The following CREB5 variants were observed in gnomAD, a reference collection of about 807,000 sequenced individuals.
CREB5 encodes the protein cyclic AMP-responsive element-binding protein 5.
A neutral mutation model predicts 57.1 loss-of-function variants in CREB5; 19 were observed. That is an observed-to-expected ratio of 0.33 (90% confidence interval 0.23 to 0.49). The LOEUF is 0.49. Ranked by LOEUF, CREB5 falls within the 20% of genes least tolerant of loss-of-function variation. The pLI, the probability that CREB5 is intolerant of heterozygous loss-of-function variation, is 0.99. For missense variants in CREB5, 579 were observed against 671.6 expected (o/e 0.86, Z 1.52); for synonymous variants, 238 against 238.3 (o/e 1.00, Z 0.01).
intron 7 of CREB5, among the ~76,000 whole-genome samples, chr7:28,771,914 C>T (rs1169250369): frequency 1.3e-5 from 2 of 152,178 alleles, no homozygotes; most frequent in African/African-American, 4.8e-5. Flanking sequence ...GCATCCCAGC[C>T]TTCCTCTGTG....
chr7:28,574,607 A>G (rs1562806236), intron 5 of CREB5, among the ~76,000 whole-genome samples: 2 of 152,246 alleles, frequency 1.3e-5, no homozygotes, highest in African/African-American at 4.8e-5. Context: ...GAGTTCTACA[A>G]GAATGGATAT....
chr7:28,352,225 ATCC>A (rs1219506704), intron 1 of CREB5, among the ~76,000 whole-genome samples: 1 of 152,200 alleles, frequency 6.6e-6, no homozygotes, highest in Non-Finnish European at 1.5e-5. Flanking sequence ...TGAGGAATTT[ATCC>A]TCCATAATGA....
intron 5 of CREB5, among the ~76,000 whole-genome samples, chr7:28,646,912 C>G (rs1344584225): frequency 6.6e-6 from 1 of 151,924 alleles, no homozygotes; most frequent in Non-Finnish European, 1.5e-5. Flanking sequence ...CTCTTTGCAT[C>G]TGGGCTTATT....
intron 5 of CREB5, among the ~76,000 whole-genome samples, chr7:28,632,777 A>G (rs1202251760): frequency 6.6e-6 from 1 of 152,150 alleles, no homozygotes; most frequent in Non-Finnish European, 1.5e-5. Flanking sequence ...GTCACCCTCC[A>G]TGACATCACC....
intron 5 of CREB5, among the ~76,000 whole-genome samples, chr7:28,579,355 G>C (rs2128655386): frequency 6.6e-6 from 1 of 152,324 alleles, no homozygotes; most frequent in South Asian, 2.1e-4. Flanking sequence ...CAGGTATGTT[G>C]TGCTTTTGGC....
chr7:28,446,882 C>T (rs1789504878), intron 1 of CREB5, among the ~76,000 whole-genome samples: 1 of 152,166 alleles, frequency 6.6e-6, no homozygotes, highest in African/African-American at 2.4e-5. Flanking sequence ...TTATTGAGAG[C>T]CTACCATATG....
chr7:28,764,022 C>G (rs928499941), intron 7 of CREB5, among the ~76,000 whole-genome samples: 6 of 151,978 alleles, frequency 3.9e-5, no homozygotes, highest in African/African-American at 9.7e-5. Flanking sequence ...AGGCTAGTCT[C>G]AAACTCCTGG....
chr7:28,594,413 C>A (rs1418973924), intron 5 of CREB5, among the ~76,000 whole-genome samples: 2 of 152,172 alleles, frequency 1.3e-5, no homozygotes, highest in East Asian at 3.9e-4. Flanking sequence ...AGGATTACAG[C>A]CCACTTAACT....
chr7:28,571,816 G>A (rs1171010242), intron 5 of CREB5, among the ~76,000 whole-genome samples: 1 of 152,210 alleles, frequency 6.6e-6, no homozygotes, highest in Non-Finnish European at 1.5e-5. Context: ...AGGAAGAAAA[G>A]GTAATAACTT....
At chr7:28,818,518 T>C (rs1400725435) in intron 10 of CREB5, among the ~76,000 whole-genome samples, 6 of 152,236 alleles carry the variant, frequency 3.9e-5, no homozygotes, top group African/African-American at 1.4e-4. Context: ...TTCAGAAATC[T>C]GTGGTCTGGG....
chr7:28,718,008 T>A (rs1288486986), intron 5 of CREB5, among the ~76,000 whole-genome samples: 1 of 152,206 alleles, frequency 6.6e-6, no homozygotes, highest in Non-Finnish European at 1.5e-5. Context: ...TCTGGCAAAT[T>A]GAAGCAAAAG....
intron 7 of CREB5, among the ~76,000 whole-genome samples, chr7:28,763,376 C>G (rs1385989710): frequency 6.6e-6 from 1 of 152,128 alleles, no homozygotes; most frequent in Non-Finnish European, 1.5e-5. Flanking sequence ...CTGTAAGTTG[C>G]TTTTAAAGAC....
intron 1 of CREB5, among the ~76,000 whole-genome samples, chr7:28,375,279 C>T (rs1399983546): frequency 2.0e-5 from 3 of 152,088 alleles, no homozygotes; most frequent in African/African-American, 7.2e-5. Context: ...AAACATTGCA[C>T]GTTCTCACTT....
At chr7:28,421,635 G>C (rs1373171434) in intron 1 of CREB5, among the ~76,000 whole-genome samples, 2 of 151,842 alleles carry the variant, frequency 1.3e-5, no homozygotes, top group African/African-American at 2.4e-5. Flanking sequence ...CTCTTTTCTG[G>C]CTTGGATCTG....
chr7:28,704,603 C>T (rs1185458526), intron 5 of CREB5, among the ~76,000 whole-genome samples: 3 of 152,028 alleles, frequency 2.0e-5, no homozygotes, highest in Non-Finnish European at 2.9e-5. Flanking sequence ...GTACTACAGG[C>T]ACCCCACCAT....
chr7:28,598,467 T>C (rs1021207863), intron 5 of CREB5, among the ~76,000 whole-genome samples: 2 of 152,204 alleles, frequency 1.3e-5, no homozygotes, highest in Non-Finnish European at 2.9e-5. Flanking sequence ...TTTTTAAAGC[T>C]GCCATCAAGC....
chr7:28,625,662 G>A (rs1797973033), intron 5 of CREB5, among the ~76,000 whole-genome samples: 1 of 152,130 alleles, frequency 6.6e-6, no homozygotes, highest in South Asian at 2.1e-4. Flanking sequence ...GGGGAAAAAA[G>A]TTATGTGTGC....
At chr7:28,421,354 G>T (rs1303120237) in intron 1 of CREB5, among the ~76,000 whole-genome samples, 2 of 152,204 alleles carry the variant, frequency 1.3e-5, no homozygotes, top group African/African-American at 2.4e-5. Flanking sequence ...GTATTTCATG[G>T]TATACATATA....
chr7:28,484,855 C>T (rs912677743), intron 1 of CREB5, among the ~76,000 whole-genome samples: 1 of 152,172 alleles, frequency 6.6e-6, no homozygotes, highest in African/African-American at 2.4e-5. Flanking sequence ...TCATATTCCT[C>T]TAAACATATC....
Sources: gnomAD v4.1 joint callset for allele counts (sites outside exome capture counted in the v4.1 genomes callset) on GRCh38, gnomAD v4.1.1 for gene constraint, MANE v1.5 for transcripts, NCBI Gene and HGNC (gene_info 2026-07-23, HGNC 2026-07-21) for gene names.